The following ARRB1 variants were observed in gnomAD, a reference collection of about 807,000 sequenced individuals.
ARRB1 encodes beta-arrestin-1.
In ARRB1, 21 loss-of-function variants were observed where a neutral mutation model predicts 56.8. The observed-to-expected ratio is 0.37, with a 90% CI of 0.26 to 0.53. The LOEUF (loss-of-function observed/expected upper bound fraction) is 0.53, where lower values mean the gene tolerates loss of function less well. ARRB1 is among the 20% of genes least tolerant of loss of function. The pLI is 0.88. For missense variants in ARRB1, 424 were observed against 553.7 expected (o/e 0.77, Z 2.35); for synonymous variants, 210 against 218.6 (o/e 0.96, Z 0.35).
intron 1 of ARRB1, among the ~76,000 whole-genome samples, chr11:75,294,990 G>A (rs1172567970): frequency 6.6e-6 from 1 of 152,062 alleles, no homozygotes; most frequent in East Asian, 1.9e-4. Flanking sequence ...TTGGGAGGCC[G>A]ACATGGGAGG....
intron 1 of ARRB1, among the ~76,000 whole-genome samples, chr11:75,345,667 C>T (rs1386656463): frequency 2.0e-5 from 3 of 152,214 alleles, no homozygotes; most frequent in Non-Finnish European, 4.4e-5. Flanking sequence ...CGCTCAGGCG[C>T]CCCATGCTAA....
chr11:75,335,256 AGTCT>A (rs1947584985), intron 1 of ARRB1: 3 of 184,970 alleles, frequency 1.6e-5, no homozygotes, highest in Middle Eastern at 5.1e-4. Context: ...AGTAGGTCCA[AGTCT>A]GTCTGTCTTT....
Position 75,277,478 on chromosome 11 carries a change from C to G in ARRB1, c.619-30G>C, listed in dbSNP as rs142635743. ...GGGGCATAAGAAGGGACGGGGTTGG[C>G]TGGGAGGACAGCAAGGTTCTAGGGA... On this transcript the variant is annotated intron_variant, in intron 8 of 15. Transcript: ENST00000420843. The G allele has an allele frequency of 1.5e-4, 234 of 1,598,128 alleles. 3 individuals are homozygous for G. The East Asian group carries it at 5.0e-3, about 34-fold the overall frequency.
intron 8 of ARRB1, 145 bp downstream of exon 8, chr11:75,278,464 C>T (rs1946249490): frequency 8.2e-7 from 1 of 1,221,872 alleles, no homozygotes; most frequent in Non-Finnish European, 1.1e-6. Flanking sequence ...CATGAGAGGT[C>T]TCAGATTCCC....
At chr11:75,312,096 C>A (rs984986044) in intron 1 of ARRB1, 2 of 1,289,628 alleles carry the variant, frequency 1.6e-6, no homozygotes, top group Non-Finnish European at 2.0e-6. Flanking sequence ...CCTTCCATGG[C>A]CTCTCCTCTC....
chr11:75,273,531 G>T (rs545532287), intron 11 of ARRB1, among the ~76,000 whole-genome samples: 6 of 152,164 alleles, frequency 3.9e-5, no homozygotes, highest in African/African-American at 1.2e-4. Context: ...AGTGGCGGCT[G>T]CTCTAGACGT....
chr11:75,266,994 C>T (rs969519029), intron 15 of ARRB1, among the ~76,000 whole-genome samples: 23 of 152,128 alleles, frequency 1.5e-4, no homozygotes, highest in African/African-American at 5.6e-4. Flanking sequence ...CCATTTAGGA[C>T]CATGCAGGTG....
intron 1 of ARRB1, among the ~76,000 whole-genome samples, chr11:75,350,294 G>A (rs376777528): frequency 6.8e-4 from 104 of 152,252 alleles, no homozygotes; most frequent in African/African-American, 2.3e-3. Context: ...TGGGCCTTGC[G>A]CATCTTTGAT....
intron 7 of ARRB1, 26 bp from the exon 8 acceptor site, chr11:75,278,770 A>C (rs1314563222): frequency 1.3e-6 from 2 of 1,586,902 alleles, no homozygotes; most frequent in African/African-American, 2.7e-5. Flanking sequence ...GGAGTGAAAG[A>C]GGACCAGGGT....
chr11:75,302,868 A>G (rs1030750305), intron 1 of ARRB1, among the ~76,000 whole-genome samples: 3 of 152,112 alleles, frequency 2.0e-5, no homozygotes, highest in Non-Finnish European at 4.4e-5. Context: ...CTCAGGTGAG[A>G]AAGCCTTGCG....
At chr11:75,305,999 C>T (rs982620001) in intron 1 of ARRB1, among the ~76,000 whole-genome samples, 1 of 152,070 alleles carries the variant, frequency 6.6e-6, no homozygotes, top group African/African-American at 2.4e-5. Context: ...ACCTTTACTC[C>T]CTCCTCATCC....
chr11:75,310,623 C>T (rs1947136017), intron 1 of ARRB1, among the ~76,000 whole-genome samples: 1 of 152,158 alleles, frequency 6.6e-6, no homozygotes, highest in Non-Finnish European at 1.5e-5. Context: ...GCCTTTCCTT[C>T]AGCACCTTCC....
chr11:75,320,980 C>G (rs1428015153), intron 1 of ARRB1, among the ~76,000 whole-genome samples: 1 of 147,926 alleles, frequency 6.8e-6, no homozygotes, highest in Non-Finnish European at 1.5e-5. Context: ...ATCTTTGCCC[C>G]TCTGCCCTCA....
chr11:75,330,614 G>A (rs930326098), intron 1 of ARRB1, among the ~76,000 whole-genome samples: 7 of 152,174 alleles, frequency 4.6e-5, no homozygotes, highest in Non-Finnish European at 7.3e-5. Flanking sequence ...CAAGAGAAAG[G>A]GTCTGCTAGG....
chr11:75,292,617 A>G (rs1591931275), intron 1 of ARRB1, among the ~76,000 whole-genome samples: 1 of 152,130 alleles, frequency 6.6e-6, no homozygotes, highest in Non-Finnish European at 1.5e-5. Flanking sequence ...AAGGGACTCC[A>G]CCTGCTTCCA....
intron 1 of ARRB1, among the ~76,000 whole-genome samples, chr11:75,330,770 A>G (rs545627493): frequency 3.3e-5 from 5 of 152,298 alleles, no homozygotes; most frequent in Admixed American, 6.5e-5. Context: ...CTTGCTTTAT[A>G]TGGTACAGCT....
At chr11:75,276,731 C>G in intron 10 of ARRB1, 108 bp downstream of exon 10, 1 of 1,061,656 alleles carries the variant, frequency 9.4e-7, no homozygotes, top group Non-Finnish European at 1.4e-6. Flanking sequence ...TGAGGCCCAG[C>G]CCTCTGCCAG....
intron 1 of ARRB1, among the ~76,000 whole-genome samples, chr11:75,349,322 A>G (rs889556678): frequency 6.6e-6 from 1 of 152,200 alleles, no homozygotes; most frequent in Admixed American, 6.5e-5. Flanking sequence ...GTAAGTATTG[A>G]TAGCTCCAGT....
At chr11:75,309,924 C>T (rs982401023) in intron 1 of ARRB1, among the ~76,000 whole-genome samples, 1 of 152,130 alleles carries the variant, frequency 6.6e-6, no homozygotes, top group Admixed American at 6.6e-5. Context: ...TGGTAATATG[C>T]AACCCCCAAA....
Sources: allele counts gnomAD v4.1 joint callset (sites outside exome capture counted in the v4.1 genomes callset), GRCh38; gene constraint gnomAD v4.1.1; transcripts MANE v1.5; gene names NCBI Gene and HGNC (gene_info 2026-07-23, HGNC 2026-07-21).